Variants in UBN1 observed in about 807,000 individuals in gnomAD.
UBN1 encodes the protein ubinuclein-1.
Under a neutral mutation model 108.5 loss-of-function variants are expected in UBN1, and 17 were observed. That is an observed-to-expected ratio of 0.16 (90% CI 0.11 to 0.24). The LOEUF (loss-of-function observed/expected upper bound fraction) is 0.24. Among genes scored for constraint, UBN1 ranks in the 10% least tolerant of loss-of-function variants. The pLI is 1.00. For synonymous variants in UBN1, 726 were observed against 564.2 expected, an observed-to-expected ratio of 1.29 and a Z score of -4.07; for missense variants, 1,595 against 1,394.4, an observed-to-expected ratio of 1.14 and a Z score of -2.29.
chr16:4,868,893 A>G lies in UBN1; in HGVS notation c.1171A>G (p.Ile391Val). 6.2e-7 allele frequency: 1 copy of G among 1,613,776 alleles called. No homozygotes were observed. Among genetic ancestry groups the G allele is most frequent in the Non-Finnish European group, 8.5e-7 (1 of 1,179,828 alleles). Reference protein sequence around the residue: ...QKFFTQDINGILLDIEAQTRE... With the variant: ...QKFFTQDINGVLLDIEAQTRE... ...GTTCTTCACCCAGGATATTAATGGA[A>G]TCCTATTAGAGTGAGTATCGTCTGT... is the stretch of plus-strand genomic sequence containing the variant. Residue 391 changes from isoleucine (I) to valine (V), a missense_variant, in exon 8 of 18, where the codon ATC (isoleucine) becomes GTC (valine). Around this residue, in one of 3 missense-constraint regions of UBN1, gnomAD observed 1,398 missense variants for 1,194.7 expected, o/e 1.17. Transcript: ENST00000262376.
At position 4,860,912 on chromosome 16, in the gene UBN1, C is replaced by A; in HGVS notation, c.920C>A (p.Ala307Asp). ...SDNDLLQAATAMDSLTDLDLE... is the reference protein window; with the variant it reads ...SDNDLLQAATDMDSLTDLDLE... ...AACGACTTGCTCCAGGCGGCCACTG[C>A]CATGGACTCGCTGACGGATTTGGAC... The change falls in exon 7 of 18, where the codon GCC becomes GAC. Residue 307 changes from alanine (A) to aspartate (D), a missense_variant. Physicochemically the swap from Ala to Asp is moderately radical, Grantham distance 126. Transcript: ENST00000262376. 5.6e-6 allele frequency: 9 copies of A among 1,614,256 alleles called. No individual in the cohort carries two copies. Among genetic ancestry groups the A allele is most frequent in the Non-Finnish European group, 7.6e-6 (9 of 1,180,054 alleles).
chr16:4,858,050 C>G lies in UBN1; in HGVS notation c.310C>G (p.Leu104Val), dbSNP rs1431021749. Residue 104 changes from leucine to valine, a missense_variant, in exon 3 of 18, where the codon CTT (leucine) becomes GTT (valine). Around this residue, in one of 3 missense-constraint regions of UBN1, gnomAD observed 181 missense variants for 157.3 expected, o/e 1.15. Transcript: ENST00000262376. The part of the protein sequence containing the change: ...EEKERHKVEA[L>V]ARKFEEKYGG... Reference sequence around the variant, plus strand: ...AAAGGAAAGGCATAAAGTAGAGGCCCTTGCCCGAAAATTTGAAGAAAAATA... The same window carrying G: ...AAAGGAAAGGCATAAAGTAGAGGCCGTTGCCCGAAAATTTGAAGAAAAATA... The G allele has an allele frequency of 4.3e-6, 7 of 1,613,162 alleles. No homozygotes were observed. The highest frequency in any genetic ancestry group is 3.3e-5 in the Admixed American group (2 of 59,896).
intron 14 of UBN1, 119 bp from the exon 15 acceptor site, chr16:4,874,092 G>C: frequency 7.7e-7 from 1 of 1,291,394 alleles, no homozygotes; most frequent in East Asian, 2.4e-5. Context: ...CACTTGTCTT[G>C]TAATTATACA....
chr16:4,871,676 T>C (rs1264505379), intron 12 of UBN1, among the ~76,000 whole-genome samples: 1 of 135,126 alleles, frequency 7.4e-6, no homozygotes, highest in Non-Finnish European at 1.5e-5. Flanking sequence ...AAGCTCCACC[T>C]CCCAGGTTCA....
In UBN1 at chr16:4,860,739, A is replaced by C. The variant is rs372283576; in HGVS notation, c.747A>C (p.Leu249=). 8.1e-6 allele frequency: 13 copies of C among 1,614,132 alleles called. No individual in the cohort carries two copies. The highest frequency in any genetic ancestry group is 9.3e-6 in the Non-Finnish European group (11 of 1,180,046). The change falls in exon 7 of 18, where the codon CTA becomes CTC. Residue 249 remains leucine, a synonymous_variant. Coordinates refer to ENST00000262376, the MANE Select transcript of UBN1 (RefSeq NM_001079514.3). ...YSGALSVKEM[L]KKFQKEKEAQ... is the part of the protein sequence containing the mutation. ...GGGCTTTAAGCGTTAAAGAGATGCT[A>C]AAGAAATTTCAGAAAGAGAAAGAGG... is the stretch of plus-strand genomic sequence containing the variant.
At chr16:4,852,684 G>A in intron 1 of UBN1, 195 bp from the exon 2 acceptor site, 1 of 489,280 alleles carries the variant, frequency 2.0e-6, no homozygotes, top group South Asian at 2.3e-5. Flanking sequence ...CTGGAAGTAT[G>A]CTAAGCAGTG....
intron 3 of UBN1, among the ~76,000 whole-genome samples, chr16:4,858,364 C>T (rs1220098270): frequency 6.6e-6 from 1 of 152,082 alleles, no homozygotes; most frequent in African/African-American, 2.4e-5. Flanking sequence ...ATTTTTCTGT[C>T]CTAGGACATT....
intron 4 of UBN1, 116 bp from the exon 5 acceptor site, chr16:4,858,909 T>C: frequency 7.3e-7 from 1 of 1,360,984 alleles, no homozygotes; most frequent in Non-Finnish European, 1.0e-6. Flanking sequence ...AGAGGATGTT[T>C]TAGCATGCTC....
In UBN1 at chr16:4,874,522, A is replaced by G; in HGVS notation, c.2112A>G (p.Glu704=). The part of the protein sequence containing the change: ...TLPAPSKAPA[E]KVGGVLCTEE... ...CTGCACCCTCAAAAGCACCTGCAGA[A>G]AAAGTTGGAGGCGTTTTATGTACAG... The change falls in exon 15 of 18, where the codon GAA becomes GAG. Residue 704 remains glutamate (E), a synonymous_variant. Coordinates refer to ENST00000262376, the MANE Select transcript of UBN1 (RefSeq NM_001079514.3). The G allele has an allele frequency of 1.2e-6, 2 of 1,614,252 alleles. No individual in the cohort carries two copies. The highest frequency in any genetic ancestry group is 1.1e-5 in the South Asian group (1 of 91,090).
At position 4,874,824 on chromosome 16, in the gene UBN1, A is replaced by G. The variant is rs746542170; in HGVS notation, c.2414A>G (p.Lys805Arg). 1.2e-6 allele frequency: 2 copies of G among 1,614,066 alleles called. No homozygotes were observed. Among genetic ancestry groups the G allele is most frequent in the South Asian group, 1.1e-5 (1 of 91,086 alleles). Reference sequence around the variant, plus strand: ...GTTCCTGTGCCTGGCCCCCAGGTCAAAGTCTTTCATGCCGGCACTCAGCAG... The same window carrying G: ...GTTCCTGTGCCTGGCCCCCAGGTCAGAGTCTTTCATGCCGGCACTCAGCAG... ...VAVPVPGPQV[K>R]VFHAGTQQQK... Residue 805 changes from lysine (K) to arginine (R), a missense_variant, in exon 15 of 18, where the codon AAA (lysine) becomes AGA (arginine). This residue lies in a region of UBN1 where 1,398 missense variants were observed against 1,194.7 expected (regional missense o/e 1.17). Coordinates refer to ENST00000262376, the MANE Select transcript of UBN1 (RefSeq NM_001079514.3).
rs111589569 is a variant in UBN1, at chr16:4,859,209, C to G, written c.567+50C>G. ...TTCAGAAATGCTTTTTGACGTGACC[C>G]TATCAGATCAGTAGGTGACTTGCCA... On this transcript the variant is annotated intron_variant, in intron 5 of 17. Transcript: ENST00000262376. 1.7e-3 allele frequency: 2,756 copies of G among 1,592,648 alleles called. 44 individuals are homozygous for G. In the African/African-American group the frequency reaches 0.033, roughly 19 times the overall value.
intron 1 of UBN1, among the ~76,000 whole-genome samples, chr16:4,848,974 G>C (rs1334008280): frequency 6.6e-6 from 1 of 152,158 alleles, no homozygotes; most frequent in East Asian, 1.9e-4. Flanking sequence ...GGTGGCGCAT[G>C]CCTGTAGTCC....
At chr16:4,867,819 C>G (rs958433580) in intron 7 of UBN1, among the ~76,000 whole-genome samples, 2 of 151,956 alleles carry the variant, frequency 1.3e-5, no homozygotes, top group Non-Finnish European at 2.9e-5. Flanking sequence ...GGGGTTGATC[C>G]CTTCATTCTA....
rs951050001 is a variant in UBN1, at chr16:4,881,270, C to T, written c.*1138C>T. ...GAAGTGTCTGCCGGGTAGAAATAGG[C>T]CTTGAAGTCCTGGGGCTCTCCAGGC... On this transcript the variant is annotated 3_prime_UTR_variant, in exon 18 of 18. Coordinates refer to ENST00000262376, the MANE Select transcript of UBN1 (RefSeq NM_001079514.3). 2 of 152,634 alleles carry T rather than the reference C, an allele frequency of 1.3e-5. No individual in the cohort carries two copies. Among genetic ancestry groups the T allele is most frequent in the African/African-American group, 4.8e-5 (2 of 41,408 alleles). 9.5% of individuals were successfully genotyped at this position (152,634 alleles called of 1,614,324 possible).
In UBN1 at chr16:4,877,493, G is replaced by C. The variant is rs774629219; in HGVS notation, c.3355+19G>C. 6.2e-7 allele frequency: 1 copy of C among 1,604,000 alleles called. No individual in the cohort carries two copies. The highest frequency in any genetic ancestry group is 8.5e-7 in the Non-Finnish European group (1 of 1,176,788). The stretch of plus-strand genomic sequence containing the variant: ...CTGCCAGGTAATCACCCGACGGTCA[G>C]TGTGCCACGCGCACCGTGTGCCTTT... On this transcript the variant is annotated intron_variant, in intron 17 of 17. Transcript: ENST00000262376. This position sits in a 1 kb window ranked among gnomAD's most constrained non-coding sequence, Gnocchi z 4.3.
rs569056905 is a variant in UBN1 at position 4,870,630 on chromosome 16, G to A, written c.1426G>A (p.Ala476Thr). The change falls in exon 10 of 18, where the codon GCC (alanine) becomes ACC (threonine). Residue 476 changes from alanine to threonine, a missense_variant. By Grantham distance (58) the Ala-to-Thr change is moderately conservative (BLOSUM62 0). Around this residue, in one of 3 missense-constraint regions of UBN1, gnomAD observed 1,398 missense variants for 1,194.7 expected, o/e 1.17. Transcript: ENST00000262376. Reference sequence around the variant, plus strand: ...CCAGGCACACACGCAGGCAAAGGTTGCCAAGTAAGTTTGTCCTGGCGCTTG... The same window carrying A: ...CCAGGCACACACGCAGGCAAAGGTTACCAAGTAAGTTTGTCCTGGCGCTTG... ...ECQAHTQAKV[A>T]KMLEEEKDKE... 6.2e-7 allele frequency: 1 copy of A among 1,614,168 alleles called. No individual in the cohort carries two copies. Among genetic ancestry groups the A allele is most frequent in the East Asian group, 2.2e-5 (1 of 44,866 alleles).
chr16:4,866,329 GT>G (rs2087329907), intron 7 of UBN1, among the ~76,000 whole-genome samples: 1 of 152,122 alleles, frequency 6.6e-6, no homozygotes, highest in Admixed American at 6.6e-5. Flanking sequence ...AGAAGCTTGA[GT>G]TTTGCGCATT....
Position 4,877,689 on chromosome 16 carries a change from T to A in UBN1, c.3355+215T>A, listed in dbSNP as rs1008697910. 1 of 1,252,448 alleles carries A rather than the reference T, an allele frequency of 8.0e-7. No individual in the cohort carries two copies. Among genetic ancestry groups the A allele is most frequent in the Non-Finnish European group, 1.0e-6 (1 of 998,784 alleles). The allele number at this position is 1,252,448 out of a possible 1,614,324, so 77.6% of individuals were successfully genotyped here. A position where few individuals can be genotyped will look rare whatever the true frequency, so the allele number is the denominator to read the frequency against. On this transcript the variant is annotated intron_variant, in intron 17 of 17. Coordinates refer to ENST00000262376, the MANE Select transcript of UBN1 (RefSeq NM_001079514.3). This position sits in a 1 kb window ranked among gnomAD's most constrained non-coding sequence, Gnocchi z 4.3. ...GTCCCCACTTGGAGCTGCCGCCAGG[T>A]CAGCCTCAGCCTGTGTGATCACAGG... is the stretch of plus-strand genomic sequence containing the variant.
intron 15 of UBN1, among the ~76,000 whole-genome samples, chr16:4,876,186 C>T (rs1046743382): frequency 1.3e-5 from 2 of 152,072 alleles, no homozygotes; most frequent in African/African-American, 4.8e-5. Context: ...TCTCGATCTC[C>T]TGACCTCGTG....
Sources: allele counts gnomAD v4.1 joint callset (sites outside exome capture counted in the v4.1 genomes callset), GRCh38; gene constraint gnomAD v4.1.1; regional missense constraint gnomAD v4.1.1; non-coding constraint Gnocchi (gnomAD v3.1); transcripts MANE v1.5; gene names NCBI Gene and HGNC (gene_info 2026-07-23, HGNC 2026-07-21).